PLA2G7: variants seen among roughly 807,000 people sequenced by gnomAD.
PLA2G7 encodes platelet-activating factor acetylhydrolase.
Under a neutral mutation model 49.6 loss-of-function variants are expected in PLA2G7, and 63 were observed. The observed-to-expected ratio is 1.27, with a 90% CI of 1.04 to 1.57. PLA2G7 has a LOEUF of 1.57. PLA2G7 is among the 40% of genes most tolerant of loss of function. PLA2G7 has a pLI of 0.00. For synonymous variants in PLA2G7, 193 were observed against 169.9 expected (o/e 1.14, Z -1.06); for missense variants, 596 against 521.2 (o/e 1.14, Z -1.40).
At chr6:46,717,705 TTTTCTTTTTC>T (rs1765260653) in intron 2 of PLA2G7, among the ~76,000 whole-genome samples, 1 of 87,426 alleles carries the variant, frequency 1.1e-5, no homozygotes, top group African/African-American at 5.3e-5. Context: ...TTTCTTTCTT[TTTTCTTTTTC>T]TTTTTTTTTT....
chr6:46,712,164 T>C, intron 6 of PLA2G7, 105 bp downstream of exon 6: 1 of 783,116 alleles, frequency 1.3e-6, no homozygotes, highest in African/African-American at 1.7e-5. Context: ...ACTTGAAAGT[T>C]CCATCAACAT....
chr6:46,705,097 G>C, intron 11 of PLA2G7, 56 bp downstream of exon 11: 2 of 1,257,294 alleles, frequency 1.6e-6, no homozygotes, highest in African/African-American at 2.9e-5. Flanking sequence ...TATTAAGATA[G>C]ACAGCTTTGT....
chr6:46,715,688 G>C (rs1470019994), intron 4 of PLA2G7, among the ~76,000 whole-genome samples: 3 of 152,176 alleles, frequency 2.0e-5, no homozygotes, highest in Non-Finnish European at 4.4e-5. Flanking sequence ...AATATGCAGA[G>C]TTATGCTATT....
chr6:46,706,010 T>C (rs1764812958), intron 10 of PLA2G7, among the ~76,000 whole-genome samples: 1 of 152,206 alleles, frequency 6.6e-6, no homozygotes, highest in African/African-American at 2.4e-5. Context: ...ATTGGCTGAA[T>C]GTAGGCATTC....
At chr6:46,711,127 C>T (rs1318492988) in intron 7 of PLA2G7, among the ~76,000 whole-genome samples, 2 of 152,112 alleles carry the variant, frequency 1.3e-5, no homozygotes, top group Admixed American at 6.6e-5. Flanking sequence ...GGTTCTAAGG[C>T]CCATACTCTT....
chr6:46,723,636 T>C (rs1273382812), intron 1 of PLA2G7, among the ~76,000 whole-genome samples: 1 of 152,072 alleles, frequency 6.6e-6, no homozygotes, highest in East Asian at 1.9e-4. Context: ...GCATCCATTT[T>C]CCCCCCTAAA....
intron 1 of PLA2G7, among the ~76,000 whole-genome samples, chr6:46,730,910 A>AT (rs1562081865): frequency 6.6e-6 from 1 of 152,164 alleles, no homozygotes; most frequent in African/African-American, 2.4e-5. Flanking sequence ...TTACTATCAC[A>AT]TTTTGTCTGC....
At chr6:46,720,700 T>C (rs1765368014) in intron 2 of PLA2G7, among the ~76,000 whole-genome samples, 2 of 152,234 alleles carry the variant, frequency 1.3e-5, no homozygotes, top group Non-Finnish European at 2.9e-5. Flanking sequence ...TAAATGTCTC[T>C]TCTTAGTTTT....
At chr6:46,724,276 T>G (rs2150708733) in intron 1 of PLA2G7, among the ~76,000 whole-genome samples, 1 of 152,326 alleles carries the variant, frequency 6.6e-6, no homozygotes. Context: ...CACTAAAAAC[T>G]TAGTTCTGTG....
chr6:46,708,496 T>C (rs1764906111), intron 9 of PLA2G7, among the ~76,000 whole-genome samples: 1 of 152,202 alleles, frequency 6.6e-6, no homozygotes, highest in South Asian at 2.1e-4. Context: ...AAAAGTATAA[T>C]AAATACACCT....
At position 46,710,600 on chromosome 6, in the gene PLA2G7, T is replaced by C. The variant is rs1164876446; in HGVS notation, c.722A>G (p.His241Arg). ...QALSLILDID[H>R]GKPVKNALDL... The stretch of plus-strand genomic sequence containing the variant: ...TAATGCATTCTTCACTGGCTTTCCA[T>C]GATCAATGTCAAGAATCAGACTGAG... Residue 241 changes from histidine (H) to arginine (R), a missense_variant, in exon 8 of 12, where the codon CAT becomes CGT. His to Arg is a conservative substitution (Grantham distance 29). Transcript: ENST00000274793. The C allele has an allele frequency of 1.2e-6, 2 of 1,613,690 alleles. No individual in the cohort carries two copies. Among genetic ancestry groups the C allele is most frequent in the South Asian group, 2.2e-5 (2 of 91,074 alleles).
chr6:46,734,481 A>AC (rs1765849216), intron 1 of PLA2G7, among the ~76,000 whole-genome samples: 2 of 110,678 alleles, frequency 1.8e-5, no homozygotes, highest in South Asian at 6.2e-4. Context: ...AGAGAGAGAG[A>AC]GAGAGAGAGA....
chr6:46,712,876 T>C (rs1245977762), intron 5 of PLA2G7, among the ~76,000 whole-genome samples: 3 of 152,184 alleles, frequency 2.0e-5, no homozygotes, highest in Non-Finnish European at 4.4e-5. Flanking sequence ...AGTATTGTAG[T>C]TACAAGAATG....
chr6:46,706,506 G>A (rs539114096), intron 10 of PLA2G7, among the ~76,000 whole-genome samples: 35 of 152,328 alleles, frequency 2.3e-4, no homozygotes, highest in African/African-American at 8.4e-4. Flanking sequence ...AGGAAGAGGG[G>A]TGGTCAGCAA....
chr6:46,724,482 T>C (rs1765509582), intron 1 of PLA2G7, among the ~76,000 whole-genome samples: 1 of 152,218 alleles, frequency 6.6e-6, no homozygotes, highest in Non-Finnish European at 1.5e-5. Context: ...TATAGCTATT[T>C]TGCGGGAAGA....
At chr6:46,733,220 G>C (rs1416673280) in intron 1 of PLA2G7, among the ~76,000 whole-genome samples, 1 of 152,194 alleles carries the variant, frequency 6.6e-6, no homozygotes, top group Non-Finnish European at 1.5e-5. Flanking sequence ...GTGAGAGTGA[G>C]GGAATGTGTT....
At chr6:46,705,872 A>G (rs1459109520) in intron 10 of PLA2G7, among the ~76,000 whole-genome samples, 2 of 152,168 alleles carry the variant, frequency 1.3e-5, no homozygotes, top group African/African-American at 4.8e-5. Context: ...CTCGTTTTCT[A>G]CCACCACTGG....
rs764626177 is a variant in PLA2G7, at chr6:46,708,150, G to A, written c.881C>T (p.Ala294Val). The A allele has an allele frequency of 1.3e-5, 21 of 1,610,202 alleles. No individual in the cohort carries two copies. The highest frequency in any genetic ancestry group is 1.8e-5 in the Non-Finnish European group (21 of 1,176,780). ...CAGTGGAAACATCCATGCATCCAGG[G>A]CAATACCACATCTGTAGATATTTGT... Reference protein sequence around the residue: ...SEDQRFRCGIALDAWMFPLGD... With the variant: ...SEDQRFRCGIVLDAWMFPLGD... The change falls in exon 10 of 12, where the codon GCC becomes GTC. Residue 294 changes from alanine (A) to valine (V), a missense_variant. Physicochemically the swap from Ala to Val is moderately conservative, Grantham distance 64. Transcript: ENST00000274793.
intron 1 of PLA2G7, among the ~76,000 whole-genome samples, chr6:46,732,415 G>C (rs1051677072): frequency 5.3e-5 from 8 of 150,858 alleles, no homozygotes; most frequent in African/African-American, 2.0e-4. Flanking sequence ...CTATACTGCA[G>C]CAATCTGCTT....
Sources: gnomAD v4.1 joint callset for allele counts (sites outside exome capture counted in the v4.1 genomes callset) on GRCh38, gnomAD v4.1.1 for gene constraint, MANE v1.5 for transcripts, NCBI Gene and HGNC (gene_info 2026-07-23, HGNC 2026-07-21) for gene names.